ITGA2B: variants seen among roughly 807,000 people sequenced by gnomAD.
ITGA2B encodes integrin alpha-IIb.
In ITGA2B, 91 loss-of-function variants were observed where a neutral mutation model predicts 142.0. The observed-to-expected ratio is 0.64, with a 90% CI of 0.54 to 0.76. The LOEUF (loss-of-function observed/expected upper bound fraction) is 0.76. ITGA2B is among the 30% of genes least tolerant of loss of function. The probability of loss-of-function intolerance (pLI) is 0.00; values close to 1 mark genes in which losing one functional copy is unlikely to be tolerated. For missense variants in ITGA2B, 1,231 were observed against 1,350.8 expected, an observed-to-expected ratio of 0.91 and a Z score of 1.39; for synonymous variants, 536 against 567.2, an observed-to-expected ratio of 0.94 and a Z score of 0.78.
intron 13 of ITGA2B, 90 bp from the exon 14 acceptor site, chr17:44,380,735 C>A (rs748070236): frequency 2.4e-5 from 38 of 1,588,408 alleles, no homozygotes; most frequent in African/African-American, 4.0e-5. Context: ...CCACCTCCCC[C>A]ACTGGAGGTT....
In ITGA2B at chr17:44,385,316, A is replaced by G; in HGVS notation, c.594T>C (p.Cys198=). 6.2e-7 allele frequency: 1 copy of G among 1,612,246 alleles called. No homozygotes were observed. The highest frequency in any genetic ancestry group is 1.1e-5 in the South Asian group (1 of 91,004). The change falls in exon 5 of 30, where the codon TGT becomes TGC. Residue 198 remains cysteine (C), a synonymous_variant. Transcript: ENST00000262407. The part of the protein sequence containing the change: ...ENDFSWDKRY[C]EAGFSSVVTQ... Reference sequence around the variant, plus strand: ...TGACCACGGAGCTGAAGCCCGCTTCACAGTAACGCTTGTCCCAGCCTGCAG... The same window carrying G: ...TGACCACGGAGCTGAAGCCCGCTTCGCAGTAACGCTTGTCCCAGCCTGCAG...
In ITGA2B at chr17:44,378,585, G is replaced by A. The variant is rs370496752; in HGVS notation, c.1946+58C>T. The stretch of plus-strand genomic sequence containing the variant: ...GTGGGAAAAGAGGGGACTAAGGTGT[G>A]GAGCAGGTATGATAGGCAGAAAGGG... On this transcript the variant is annotated intron_variant, in intron 19 of 29. Transcript: ENST00000262407. 7.5e-3 allele frequency: 11,896 copies of A among 1,596,330 alleles called. 63 individuals are homozygous for A. The highest frequency in any genetic ancestry group is 9.3e-3 in the Non-Finnish European group (10,905 of 1,171,916).
chr17:44,377,890 A>AG lies in ITGA2B; in HGVS notation c.2095-101dup, dbSNP rs555858766. 3.4e-4 allele frequency: 74 copies of AG among 220,880 alleles called. 1 individual carries two copies. The highest frequency in any genetic ancestry group is 1.4e-3 in the East Asian group (10 of 7,032). 13.7% of individuals were successfully genotyped at this position (220,880 alleles called of 1,614,324 possible). A position where few individuals can be genotyped will look rare whatever the true frequency, so the allele number is the denominator to read the frequency against. ...GAAAGATTTGTGTGCCAAGGTAGGGAGGGGGGGGTTTCTTGGGGTGGGGTC... is the reference window on the plus strand; with the variant it reads ...GAAAGATTTGTGTGCCAAGGTAGGGAGGGGGGGGGTTTCTTGGGGTGGGGTC... On this transcript the variant is annotated intron_variant, in intron 20 of 29. Transcript: ENST00000262407.
At chr17:44,380,779 A>G (rs766098861) in intron 13 of ITGA2B, 100 bp downstream of exon 13, 27 of 1,586,024 alleles carry the variant, frequency 1.7e-5, no homozygotes, top group Non-Finnish European at 6.9e-6. Context: ...ATAGTGGGAC[A>G]CCAGGCCAGG....
chr17:44,386,712 T>C (rs1176271268), intron 1 of ITGA2B, among the ~76,000 whole-genome samples: 1 of 152,220 alleles, frequency 6.6e-6, no homozygotes, highest in Non-Finnish European at 1.5e-5. Flanking sequence ...CAGGAGTAAA[T>C]GTAATAAATA....
At chr17:44,378,270 A>G in intron 20 of ITGA2B, 92 bp downstream of exon 20, 4 of 1,459,046 alleles carry the variant, frequency 2.7e-6, no homozygotes, top group Non-Finnish European at 2.7e-6. Flanking sequence ...GCAAAGCAGA[A>G]GAGAAGAGGG....
In ITGA2B at chr17:44,378,535, G is replaced by C. The variant is rs751494514; in HGVS notation, c.1947-26C>G. ...CTGTGGGGAAAGAGGAGTGAAGCCA[G>C]GGAGCCTGGGTCTGGGCCCAGGATG... On this transcript the variant is annotated intron_variant, in intron 19 of 29. Coordinates refer to ENST00000262407, the MANE Select transcript of ITGA2B (RefSeq NM_000419.5). 7.4e-6 allele frequency: 12 copies of C among 1,612,670 alleles called. No individual in the cohort carries two copies. In the East Asian group the frequency reaches 2.7e-4, roughly 36 times the overall value.
At chr17:44,378,776 G>A in intron 18 of ITGA2B, 66 bp from the exon 19 acceptor site, 2 of 1,456,138 alleles carry the variant, frequency 1.4e-6, no homozygotes, top group African/African-American at 1.4e-5. Flanking sequence ...TTACATCAGG[G>A]TTAGGAAAAC....
In ITGA2B at chr17:44,372,246, G is replaced by T; in HGVS notation, c.*118C>A. On this transcript the variant is annotated 3_prime_UTR_variant, in exon 30 of 30. Transcript: ENST00000262407. ...AGCCCAGCTCTGTTGGGAGGGAAAC[G>T]ACACCAAGAGGACCCAATGGAACAG... The T allele has an allele frequency of 2.0e-6, 2 of 1,008,406 alleles. No individual in the cohort carries two copies. Among genetic ancestry groups the T allele is most frequent in the Non-Finnish European group, 1.5e-6 (1 of 646,472 alleles). The allele number at this position is 1,008,406 out of a possible 1,614,324, so 62.5% of individuals were successfully genotyped here.
intron 26 of ITGA2B, 28 bp downstream of exon 26, chr17:44,375,563 C>A: frequency 6.2e-7 from 1 of 1,611,760 alleles, no homozygotes; most frequent in Non-Finnish European, 8.5e-7. Flanking sequence ...CCGGGGAGGC[C>A]GGGCCAGAGA....
rs2048539818 is a variant in ITGA2B at position 44,375,999 on chromosome 17, G to A, written c.2449-14C>T. ...ATTGTTGTGGAGCTGAAGGGGTGGTGGTGGCAGGGTGTGGGGAGCTTAGCG... is the reference window on the plus strand; with the variant it reads ...ATTGTTGTGGAGCTGAAGGGGTGGTAGTGGCAGGGTGTGGGGAGCTTAGCG... On this transcript the variant is annotated splice_polypyrimidine_tract_variant and intron_variant, in intron 24 of 29. Transcript: ENST00000262407. 2 of 1,613,952 alleles carry A rather than the reference G, an allele frequency of 1.2e-6. No homozygotes were observed. Among genetic ancestry groups the A allele is most frequent in the Admixed American group, 3.3e-5 (2 of 60,002 alleles).
chr17:44,381,110 T>C (rs1217644813), intron 12 of ITGA2B, 49 bp from the exon 13 acceptor site: 2 of 1,570,132 alleles, frequency 1.3e-6, no homozygotes, highest in Non-Finnish European at 8.7e-7. Context: ...TCAGCCTCCC[T>C]AGATGACTGT....
In ITGA2B at chr17:44,384,961, G is replaced by C; in HGVS notation, c.786C>G (p.Phe262Leu). 6.2e-7 allele frequency: 1 copy of C among 1,614,136 alleles called. No homozygotes were observed. Among genetic ancestry groups the C allele is most frequent in the East Asian group, 2.2e-5 (1 of 44,878 alleles). The change falls in exon 7 of 30, where the codon TTC becomes TTG. Residue 262 changes from phenylalanine (F) to leucine (L), a missense_variant. Coordinates refer to ENST00000262407, the MANE Select transcript of ITGA2B (RefSeq NM_000419.5). ...TGGCGGTGTTACCCCAGTAGCCGTC[G>C]AAGTACTCTGGGTTGCTGGAGTCAA... ...LSFDSSNPEY[F>L]DGYWGYSVAV...
chr17:44,376,903 G>T (rs556095280), intron 22 of ITGA2B, 106 bp downstream of exon 22: 2 of 878,038 alleles, frequency 2.3e-6, no homozygotes, highest in Non-Finnish European at 3.7e-6. Flanking sequence ...GTGAGCCACT[G>T]CGCCTGGCCT....
At chr17:44,379,039 G>A (rs1039915710) in intron 18 of ITGA2B, among the ~76,000 whole-genome samples, 9 of 151,816 alleles carry the variant, frequency 5.9e-5, no homozygotes, top group Non-Finnish European at 7.4e-5. Flanking sequence ...TCCGCCCCCC[G>A]GGGTTCACGC....
rs765312891 is a variant in ITGA2B, at chr17:44,380,413, A to G, written c.1517T>C (p.Leu506Pro). The change falls in exon 15 of 30, where the codon CTA becomes CCA. Residue 506 changes from leucine to proline, a missense_variant. Physicochemically the swap from Leu to Pro is moderately conservative, Grantham distance 98. This residue lies in a region of ITGA2B where 908 missense variants were observed against 1,021.1 expected (regional missense o/e 0.89). Transcript: ENST00000262407. ...SLNPAVKSCV[L>P]PQTKTPVSCF... ...GCTCACGGGTGTCTTGGTCTGAGGT[A>G]GGACACAGCTCTTCACAGCAGGATT... is the stretch of plus-strand genomic sequence containing the variant. The G allele has an allele frequency of 6.2e-6, 10 of 1,614,048 alleles. No homozygotes were observed.
chr17:44,373,506 T>C (rs1452002533), intron 29 of ITGA2B, among the ~76,000 whole-genome samples: 1 of 152,212 alleles, frequency 6.6e-6, no homozygotes, highest in Non-Finnish European at 1.5e-5. Flanking sequence ...TTGATTATTG[T>C]GGGTCTAGTG....
At chr17:44,380,809 C>T in intron 13 of ITGA2B, 70 bp downstream of exon 13, 2 of 1,603,670 alleles carry the variant, frequency 1.2e-6, no homozygotes, top group Non-Finnish European at 1.7e-6. Context: ...CTGGCCGTGT[C>T]TCTTGGCACT....
chr17:44,388,630 T>C (rs1456386398), intron 1 of ITGA2B, among the ~76,000 whole-genome samples: 1 of 151,920 alleles, frequency 6.6e-6, no homozygotes, highest in Non-Finnish European at 1.5e-5. Flanking sequence ...GTGATTCTCC[T>C]ACCTCAGCCT....
Sources: allele counts gnomAD v4.1 joint callset (sites outside exome capture counted in the v4.1 genomes callset), GRCh38; gene constraint gnomAD v4.1.1; regional missense constraint gnomAD v4.1.1; transcripts MANE v1.5; gene names NCBI Gene and HGNC (gene_info 2026-07-23, HGNC 2026-07-21).